The following TEAD1 variants were observed in gnomAD, a reference collection of about 807,000 sequenced individuals.
TEAD1 encodes transcriptional enhancer factor TEF-1.
A neutral mutation model predicts 54.9 loss-of-function variants in TEAD1; 9 were observed. The ratio of observed to expected loss-of-function variants is 0.16; its 90% CI spans 0.10 to 0.29. The LOEUF is 0.29. TEAD1 is among the 10% of genes least tolerant of loss of function. TEAD1 has a pLI of 1.00. For synonymous variants in TEAD1, 200 were observed against 187.8 expected, an observed-to-expected ratio of 1.07 and a Z score of -0.53; for missense variants, 387 against 535.9, an observed-to-expected ratio of 0.72 and a Z score of 2.74.
chr11:12,909,227 A>G (rs1304849689), intron 10 of TEAD1, among the ~76,000 whole-genome samples: 2 of 152,210 alleles, frequency 1.3e-5, no homozygotes, highest in African/African-American at 4.8e-5. Context: ...CAATTCTGAG[A>G]CATGGACTTG....
chr11:12,679,114 T>C (rs1237784302), intron 2 of TEAD1, among the ~76,000 whole-genome samples: 1 of 152,042 alleles, frequency 6.6e-6, no homozygotes, highest in Non-Finnish European at 1.5e-5. Context: ...CTCTTCTTGA[T>C]TGGATAATGG....
intron 3 of TEAD1, among the ~76,000 whole-genome samples, chr11:12,765,112 T>C (rs1190837012): frequency 6.6e-6 from 1 of 152,056 alleles, no homozygotes; most frequent in Non-Finnish European, 1.5e-5. Flanking sequence ...TGAAAGGCAT[T>C]CTGAAGGAAA....
intron 6 of TEAD1, 112 bp downstream of exon 6, chr11:12,879,954 G>A: frequency 6.6e-7 from 1 of 1,506,286 alleles, no homozygotes; most frequent in Non-Finnish European, 9.1e-7. Flanking sequence ...TATGTGAGAG[G>A]GCAAAGGCTA....
At chr11:12,704,662 C>T (rs1277064316) in intron 2 of TEAD1, among the ~76,000 whole-genome samples, 1 of 152,206 alleles carries the variant, frequency 6.6e-6, no homozygotes, top group Non-Finnish European at 1.5e-5. Flanking sequence ...TGGATTTACC[C>T]TATTGTCTCT....
intron 3 of TEAD1, among the ~76,000 whole-genome samples, chr11:12,852,197 G>A (rs1337626171): frequency 6.6e-6 from 1 of 151,668 alleles, no homozygotes; most frequent in Non-Finnish European, 1.5e-5. Context: ...TTCTAGAATA[G>A]AGGAGCCCTA....
intron 2 of TEAD1, among the ~76,000 whole-genome samples, chr11:12,698,627 A>T (rs1943636414): frequency 6.6e-6 from 1 of 151,900 alleles, no homozygotes; most frequent in Non-Finnish European, 1.5e-5. Context: ...GCTGATCCTT[A>T]GGAGTCCCAT....
intron 2 of TEAD1, among the ~76,000 whole-genome samples, chr11:12,694,446 C>G (rs1318088469): frequency 1.3e-5 from 2 of 151,134 alleles, no homozygotes; most frequent in Admixed American, 6.6e-5. Context: ...GCCAGTCTTC[C>G]TGACTTCAGA....
At chr11:12,780,681 A>G (rs948947754) in intron 3 of TEAD1, among the ~76,000 whole-genome samples, 1 of 152,244 alleles carries the variant, frequency 6.6e-6, no homozygotes, top group African/African-American at 2.4e-5. Context: ...CTCCAAAACT[A>G]CAAAATATTG....
chr11:12,713,892 C>T (rs1382336034), intron 2 of TEAD1, among the ~76,000 whole-genome samples: 3 of 152,168 alleles, frequency 2.0e-5, no homozygotes, highest in African/African-American at 7.2e-5. Flanking sequence ...TGTTCCTGGC[C>T]TCACTTCTCT....
In TEAD1 at chr11:12,874,837, A is replaced by T. The variant is rs150040026; in HGVS notation, c.331-4871A>T. 2.4e-3 allele frequency among the ~76,000 whole-genome samples: 361 copies of T among 152,198 alleles called. 1 individual carries two copies. Among genetic ancestry groups the T allele is most frequent in the African/African-American group, 8.2e-3 (342 of 41,532 alleles). ...GGGTTGGGGTTCAGTTGGAAAAGGG[A>T]GATTTCCCTTTTCTTTCCCCACTCC... On this transcript the variant is annotated intron_variant, in intron 5 of 12. Coordinates refer to ENST00000527636, the MANE Select transcript of TEAD1 (RefSeq NM_021961.6).
At chr11:12,788,245 C>G (rs981247051) in intron 3 of TEAD1, among the ~76,000 whole-genome samples, 1 of 151,744 alleles carries the variant, frequency 6.6e-6, no homozygotes, top group African/African-American at 2.4e-5. Flanking sequence ...CAAGCAATTC[C>G]CCTGTCTCAC....
At chr11:12,837,955 G>A (rs919400547) in intron 3 of TEAD1, among the ~76,000 whole-genome samples, 6 of 151,652 alleles carry the variant, frequency 4.0e-5, no homozygotes, top group Non-Finnish European at 5.9e-5. Flanking sequence ...CACCACGCCC[G>A]CTAATTTTTT....
At chr11:12,745,305 A>G (rs2133898026) in intron 2 of TEAD1, among the ~76,000 whole-genome samples, 1 of 152,312 alleles carries the variant, frequency 6.6e-6, no homozygotes, top group African/African-American at 2.4e-5. Flanking sequence ...TGGCCACACT[A>G]GGAGTAGCAA....
chr11:12,932,454 TTC>T (rs1217657647), intron 12 of TEAD1, among the ~76,000 whole-genome samples: 1 of 152,174 alleles, frequency 6.6e-6, no homozygotes, highest in African/African-American at 2.4e-5. Flanking sequence ...TCAATTCTGA[TTC>T]TGTTTCTGCA....
At position 12,747,370 on chromosome 11, in the gene TEAD1, A is replaced by G. The variant is rs556866088; in HGVS notation, c.-54-16809A>G. ...TTATTTTTTGAGACGATGTCTTGCT[A>G]TGTCATCCAGGCTGGAGTGCAGTGG... On this transcript the variant is annotated intron_variant, in intron 2 of 12. Coordinates refer to ENST00000527636, the MANE Select transcript of TEAD1 (RefSeq NM_021961.6). Among the ~76,000 whole-genome samples, 119 of 152,140 alleles carry G rather than the reference A, an allele frequency of 7.8e-4. 1 individual carries two copies. In the Middle Eastern group the frequency reaches 0.017, roughly 22 times the overall value.
intron 2 of TEAD1, among the ~76,000 whole-genome samples, chr11:12,714,448 G>A (rs960741069): frequency 2.6e-5 from 4 of 152,100 alleles, no homozygotes; most frequent in African/African-American, 9.7e-5. Context: ...CTGGAGTGCG[G>A]TGGTGGACCA....
At chr11:12,800,940 T>C (rs1034611068) in intron 3 of TEAD1, among the ~76,000 whole-genome samples, 1 of 152,244 alleles carries the variant, frequency 6.6e-6, no homozygotes, top group Non-Finnish European at 1.5e-5. Flanking sequence ...GCACCATGCC[T>C]GGCACAGAAT....
chr11:12,774,974 C>T lies in TEAD1; in HGVS notation c.202+10540C>T, dbSNP rs567373055. ...ATCTGTACAACAAACTCCCATCACA[C>T]GACTTTACCCATATAACAAACCTGC... is the stretch of plus-strand genomic sequence containing the variant. On this transcript the variant is annotated intron_variant, in intron 3 of 12. Transcript: ENST00000527636. Among the ~76,000 whole-genome samples the T allele has an allele frequency of 2.6e-5, 4 of 151,960 alleles. No homozygotes were observed. In the South Asian group the frequency reaches 8.3e-4, roughly 32 times the overall value.
At position 12,883,101 on chromosome 11, in the gene TEAD1, C is replaced by T. The variant is rs148823826; in HGVS notation, c.675C>T (p.Leu225=). The change falls in exon 9 of 13, where the codon CTC becomes CTT. Residue 225 remains leucine, a synonymous_variant. Transcript: ENST00000527636. ...GCCTGGTGGAATTTTCAGCTTTTCT[C>T]GAGCAGCAGCGAGACCCAGACTCGG... 4.0e-3 allele frequency: 6,402 copies of T among 1,614,196 alleles called. 18 individuals carry two copies. The highest frequency in any genetic ancestry group is 4.8e-3 in the Non-Finnish European group (5,638 of 1,180,046).
Sources: allele counts gnomAD v4.1 joint callset (sites outside exome capture counted in the v4.1 genomes callset), GRCh38; gene constraint gnomAD v4.1.1; transcripts MANE v1.5; gene names NCBI Gene and HGNC (gene_info 2026-07-23, HGNC 2026-07-21).